The following UNC13C variants were observed in gnomAD, a reference collection of about 807,000 sequenced individuals.
UNC13C encodes unc-13 homolog C, also known as protein unc-13 homolog C.
UNC13C carries 174 observed loss-of-function variants against 245.4 expected under a neutral mutation model. That is an observed-to-expected ratio of 0.71 (90% confidence interval 0.63 to 0.80). UNC13C has a LOEUF of 0.80. Ranked by LOEUF, UNC13C falls within the 30% of genes least tolerant of loss-of-function variation. UNC13C has a pLI of 0.00. For synonymous variants in UNC13C, 992 were observed against 895.1 expected, an observed-to-expected ratio of 1.11 and a Z score of -1.93; for missense variants, 2,829 against 2,602.9, an observed-to-expected ratio of 1.09 and a Z score of -1.89.
chr15:54,402,601 C>G (rs1030885538), intron 18 of UNC13C, among the ~76,000 whole-genome samples: 1 of 152,070 alleles, frequency 6.6e-6, no homozygotes, highest in African/African-American at 2.4e-5. Context: ...TAGCTGGAGA[C>G]AGGCACTATT....
At chr15:54,132,075 T>TTTTTTTTTCTTTTTCTTTTTCTTTTTC (rs1491287141) in intron 2 of UNC13C, among the ~76,000 whole-genome samples, 3 of 1,962 alleles carry the variant, frequency 1.5e-3, no homozygotes, top group African/African-American at 2.1e-3. Flanking sequence ...TTTCTTTTTC[T>TTTTTTTTTCTTTTTCTTTTTCTTTTTC]TTTTTTTTTT....
the UNC13C span, among the ~76,000 whole-genome samples, chr15:53,916,660 A>C: frequency 6.6e-6 from 1 of 152,226 alleles, no homozygotes; most frequent in African/African-American, 2.4e-5. Context: ...CTTTCTAAAA[A>C]TGTGGATTGC....
intron 13 of UNC13C, among the ~76,000 whole-genome samples, chr15:54,310,740 ATATATCTATATC>A (rs57312410): frequency 0.032 from 3,744 of 117,484 alleles, 151 homozygotes; most frequent in African/African-American, 0.096. Flanking sequence ...GCCTCATTTT[ATATATCTATATC>A]TATATCTATA....
At chr15:54,240,762 G>A (rs1055372913) in intron 7 of UNC13C, among the ~76,000 whole-genome samples, 1 of 152,134 alleles carries the variant, frequency 6.6e-6, no homozygotes, top group Non-Finnish European at 1.5e-5. Flanking sequence ...GTAACATAGG[G>A]AGGACCAACC....
intron 28 of UNC13C, among the ~76,000 whole-genome samples, chr15:54,551,591 A>C (rs1896737737): frequency 6.6e-6 from 1 of 152,164 alleles, no homozygotes; most frequent in South Asian, 2.1e-4. Flanking sequence ...TTCTCAATTC[A>C]CTGAATTCTT....
chr15:54,218,375 T>C (rs1387790862), intron 4 of UNC13C, among the ~76,000 whole-genome samples: 1 of 151,988 alleles, frequency 6.6e-6, no homozygotes, highest in Admixed American at 6.6e-5. Context: ...AGGGAGGAGA[T>C]ACTTATGGAT....
intron 30 of UNC13C, among the ~76,000 whole-genome samples, chr15:54,575,710 G>A (rs1211515971): frequency 6.6e-6 from 1 of 152,176 alleles, no homozygotes; most frequent in Non-Finnish European, 1.5e-5. Context: ...AAACATAGAA[G>A]TTATTTCTCA....
intron 23 of UNC13C, 101 bp downstream of exon 23, chr15:54,507,295 T>C: frequency 1.3e-6 from 1 of 771,314 alleles, no homozygotes; most frequent in Non-Finnish European, 2.1e-6. Context: ...AGTTTTCACA[T>C]AGGATAATAA....
chr15:54,624,969 A>ATTAGGAAAGTGAAAACTTGAT (rs1428991323), intron 32 of UNC13C, among the ~76,000 whole-genome samples: 2 of 152,174 alleles, frequency 1.3e-5, no homozygotes, highest in Non-Finnish European at 2.9e-5. Flanking sequence ...CATTACTAAA[A>ATTAGGAAAGTGAAAACTTGAT]TTAGGAAAGT....
intron 4 of UNC13C, among the ~76,000 whole-genome samples, chr15:54,175,371 A>C (rs907755510): frequency 5.3e-5 from 8 of 152,208 alleles, no homozygotes; most frequent in Non-Finnish European, 1.2e-4. Context: ...ATCTGTCTCC[A>C]GTAGCACCAC....
chr15:54,151,275 G>T (rs1339480072), intron 4 of UNC13C, among the ~76,000 whole-genome samples: 2 of 149,890 alleles, frequency 1.3e-5, no homozygotes, highest in African/African-American at 4.9e-5. Context: ...CCATAAAAAA[G>T]TTATTCCCCC....
intron 4 of UNC13C, among the ~76,000 whole-genome samples, chr15:54,150,773 C>G (rs1238662123): frequency 6.6e-6 from 1 of 151,890 alleles, no homozygotes; most frequent in East Asian, 1.9e-4. Context: ...AACCCCAGAC[C>G]CATTTAGTGG....
At chr15:54,297,730 T>A in intron 11 of UNC13C, 81 bp from the exon 12 acceptor site, 2 of 1,093,764 alleles carry the variant, frequency 1.8e-6, no homozygotes, top group South Asian at 1.4e-5. Flanking sequence ...TTTGTTTTTT[T>A]GTTTTTTAGC....
the UNC13C span, among the ~76,000 whole-genome samples, chr15:53,841,176 T>A: frequency 2.0e-5 from 3 of 152,004 alleles, no homozygotes; most frequent in Non-Finnish European, 4.4e-5. Context: ...GAATTACAGA[T>A]CCCTATTTTA....
chr15:54,242,778 A>G (rs1346068682), intron 7 of UNC13C, among the ~76,000 whole-genome samples: 4 of 152,226 alleles, frequency 2.6e-5, no homozygotes, highest in Admixed American at 6.5e-5. Flanking sequence ...CTAACCATGT[A>G]TCCATTTTTG....
intron 30 of UNC13C, among the ~76,000 whole-genome samples, chr15:54,577,752 C>T (rs192862276): frequency 3.9e-5 from 6 of 152,200 alleles, no homozygotes; most frequent in South Asian, 4.1e-4. Flanking sequence ...TAGAGCCCAG[C>T]GAAACCCTCA....
chr15:54,439,976 T>C (rs1335196216), intron 19 of UNC13C, among the ~76,000 whole-genome samples: 1 of 151,978 alleles, frequency 6.6e-6, no homozygotes, highest in Non-Finnish European at 1.5e-5. Flanking sequence ...CTGGTATCTC[T>C]CTCTCATGGT....
Position 54,013,036 on chromosome 15 carries a change from C to T in UNC13C, c.133C>T (p.Pro45Ser), listed in dbSNP as rs1283003729. 6.2e-7 allele frequency: 1 copy of T among 1,613,778 alleles called. No homozygotes were observed. Among genetic ancestry groups the T allele is most frequent in the Non-Finnish European group, 8.5e-7 (1 of 1,179,826 alleles). Reference protein sequence around the residue: ...YRQQKKDQDFPTAGQTKSPKF... With the variant: ...YRQQKKDQDFSTAGQTKSPKF... Reference sequence around the variant, plus strand: ...TCAGCAGAAAAAGGATCAAGACTTCCCCACTGCTGGCCAGACCAAATCCCC... The same window carrying T: ...TCAGCAGAAAAAGGATCAAGACTTCTCCACTGCTGGCCAGACCAAATCCCC... Residue 45 changes from proline to serine, a missense_variant, in exon 2 of 33, where the codon CCC (proline) becomes TCC (serine). Coordinates refer to ENST00000260323, the MANE Select transcript of UNC13C (RefSeq NM_001080534.3).
intron 2 of UNC13C, among the ~76,000 whole-genome samples, chr15:54,130,986 C>T (rs988596001): frequency 6.6e-6 from 1 of 152,106 alleles, no homozygotes; most frequent in East Asian, 1.9e-4. Flanking sequence ...ATGCCTAGAA[C>T]TTAGGGACAC....
Sources: allele counts gnomAD v4.1 joint callset (sites outside exome capture counted in the v4.1 genomes callset), GRCh38; gene constraint gnomAD v4.1.1; transcripts MANE v1.5; gene names NCBI Gene and HGNC (gene_info 2026-07-23, HGNC 2026-07-21).